Variants in TRPM3 observed in about 807,000 individuals in gnomAD.
TRPM3 encodes long transient receptor potential channel 3.
A neutral mutation model predicts 181.2 loss-of-function variants in TRPM3; 77 were observed. That is an observed-to-expected ratio of 0.42 (90% CI 0.35 to 0.51). The LOEUF is 0.51. TRPM3 is among the 20% of genes least tolerant of loss of function. TRPM3 has a pLI of 0.01. For synonymous variants in TRPM3, 745 were observed against 796.4 expected, an observed-to-expected ratio of 0.94 and a Z score of 1.09; for missense variants, 1,759 against 2,196.7, an observed-to-expected ratio of 0.80 and a Z score of 3.98.
At chr9:71,001,494 C>A (rs117481485) in intron 1 of TRPM3, among the ~76,000 whole-genome samples, 1 of 152,164 alleles carries the variant, frequency 6.6e-6, no homozygotes, top group Non-Finnish European at 1.5e-5. Flanking sequence ...CTTTTCCTAC[C>A]GATCCAAATG....
intron 22 of TRPM3, among the ~76,000 whole-genome samples, chr9:70,578,318 A>C (rs1252289278): frequency 6.8e-6 from 1 of 147,888 alleles, no homozygotes; most frequent in African/African-American, 2.6e-5. Flanking sequence ...AAAAAAAAAA[A>C]AGACTGGTGT....
chr9:70,950,642 G>T (rs1480543085), intron 1 of TRPM3, among the ~76,000 whole-genome samples: 1 of 152,126 alleles, frequency 6.6e-6, no homozygotes, highest in Non-Finnish European at 1.5e-5. Context: ...AGGTTTGGAA[G>T]CAAATGGAAT....
At chr9:71,425,641 C>G (rs1285982887) in intron 1 of TRPM3, among the ~76,000 whole-genome samples, 2 of 152,102 alleles carry the variant, frequency 1.3e-5, no homozygotes, top group Non-Finnish European at 2.9e-5. Context: ...TTTTCTTTTG[C>G]CTTTTCCAAC....
At chr9:71,306,810 T>G (rs999871607) in intron 1 of TRPM3, among the ~76,000 whole-genome samples, 1 of 152,094 alleles carries the variant, frequency 6.6e-6, no homozygotes, top group Admixed American at 6.6e-5. Context: ...GGGGTGGAGA[T>G]TGCAGTGAGC....
intron 1 of TRPM3, among the ~76,000 whole-genome samples, chr9:71,164,654 T>C: frequency 6.6e-6 from 1 of 152,048 alleles, no homozygotes; most frequent in African/African-American, 2.4e-5. Context: ...GTGAGAACAA[T>C]GAATTTCATT....
At chr9:71,249,227 G>A (rs1212740610) in intron 1 of TRPM3, among the ~76,000 whole-genome samples, 1 of 152,116 alleles carries the variant, frequency 6.6e-6, no homozygotes, top group Non-Finnish European at 1.5e-5. Flanking sequence ...ATAAGTTAAT[G>A]AGAATATAAC....
intron 7 of TRPM3, among the ~76,000 whole-genome samples, chr9:70,762,881 A>C (rs559303234): frequency 1.3e-5 from 2 of 152,278 alleles, no homozygotes; most frequent in South Asian, 2.1e-4. Flanking sequence ...GTTTACACCA[A>C]GTGGATCACA....
intron 1 of TRPM3, among the ~76,000 whole-genome samples, chr9:71,270,902 G>A (rs2083738986): frequency 6.6e-6 from 1 of 152,168 alleles, no homozygotes; most frequent in Non-Finnish European, 1.5e-5. Context: ...ATCCATGTGG[G>A]AAAGAGCTGA....
At chr9:70,977,611 C>T (rs1590233604) in intron 1 of TRPM3, among the ~76,000 whole-genome samples, 1 of 152,234 alleles carries the variant, frequency 6.6e-6, no homozygotes, top group South Asian at 2.1e-4. Context: ...TCCCACAAGA[C>T]TTCCTCCATT....
intron 1 of TRPM3, among the ~76,000 whole-genome samples, chr9:71,333,737 C>G (rs562484786): frequency 6.6e-6 from 1 of 151,844 alleles, no homozygotes; most frequent in East Asian, 1.9e-4. Context: ...TTATGCTACA[C>G]CTGGATTCCT....
chr9:70,851,200 T>C (rs2095215875), intron 3 of TRPM3, among the ~76,000 whole-genome samples: 1 of 151,968 alleles, frequency 6.6e-6, no homozygotes, highest in African/African-American at 2.4e-5. Context: ...AACAACAAAA[T>C]AACCAGAATA....
At chr9:71,326,343 C>T (rs1220238326) in intron 1 of TRPM3, among the ~76,000 whole-genome samples, 1 of 152,190 alleles carries the variant, frequency 6.6e-6, no homozygotes, top group East Asian at 1.9e-4. Context: ...CTAAGGCCTT[C>T]CCAGGTGTCA....
chr9:70,932,551 C>A (rs1473833759), intron 1 of TRPM3, among the ~76,000 whole-genome samples: 1 of 152,016 alleles, frequency 6.6e-6, no homozygotes, highest in African/African-American at 2.4e-5. Context: ...AGATAATAGG[C>A]CCAGAAAGCA....
intron 1 of TRPM3, among the ~76,000 whole-genome samples, chr9:71,432,255 G>A (rs2093966382): frequency 1.3e-5 from 2 of 148,926 alleles, no homozygotes; most frequent in African/African-American, 2.5e-5. Flanking sequence ...ACAAGATACA[G>A]TATGATTGAA....
chr9:71,347,745 A>G (rs61529581), intron 1 of TRPM3, among the ~76,000 whole-genome samples: 4,639 of 152,216 alleles, frequency 0.03, 103 homozygotes, highest in South Asian at 0.069. Context: ...CCTCGTGTTT[A>G]TTAAAAACAT....
In TRPM3 at chr9:70,625,379, G is replaced by A. The variant is rs750608794; in HGVS notation, c.1669-48C>T. 2.4e-5 allele frequency: 39 copies of A among 1,610,940 alleles called. No individual in the cohort carries two copies. The highest frequency in any genetic ancestry group is 1.6e-4 in the Middle Eastern group (1 of 6,066). ...ACAGACAAATCCAAAAGACAACGTGGTTTACTAGGGATTCTACTTCACGTA... is the reference window on the plus strand; with the variant it reads ...ACAGACAAATCCAAAAGACAACGTGATTTACTAGGGATTCTACTTCACGTA... On this transcript the variant is annotated intron_variant, in intron 13 of 25. Coordinates refer to ENST00000677713, the MANE Select transcript of TRPM3 (RefSeq NM_001366145.2). This position sits in a 1 kb window ranked among gnomAD's most constrained non-coding sequence, Gnocchi z 4.8.
chr9:71,299,037 T>C (rs1374676697), intron 1 of TRPM3, among the ~76,000 whole-genome samples: 2 of 152,152 alleles, frequency 1.3e-5, no homozygotes, highest in African/African-American at 4.8e-5. Context: ...TTTTTTAATG[T>C]TGAACCTAGA....
At chr9:71,019,048 T>G (rs753155425) in intron 1 of TRPM3, among the ~76,000 whole-genome samples, 6 of 152,008 alleles carry the variant, frequency 3.9e-5, no homozygotes, top group Non-Finnish European at 8.8e-5. Context: ...AATATTAATA[T>G]GCTTATGTCA....
intron 11 of TRPM3, among the ~76,000 whole-genome samples, chr9:70,635,816 A>G (rs2057092906): frequency 1.3e-5 from 2 of 152,110 alleles, no homozygotes; most frequent in African/African-American, 4.8e-5. Context: ...TATTTCCTCA[A>G]GCAAATGTAT....
Sources: gnomAD v4.1 joint callset for allele counts (sites outside exome capture counted in the v4.1 genomes callset) on GRCh38, gnomAD v4.1.1 for gene constraint, Gnocchi (gnomAD v3.1) non-coding constraint, MANE v1.5 for transcripts, NCBI Gene and HGNC (gene_info 2026-07-23, HGNC 2026-07-21) for gene names.